COL10A1: variants seen among roughly 807,000 people sequenced by gnomAD.
COL10A1 encodes the protein collagen alpha-1(X) chain.
COL10A1 carries 10 observed loss-of-function variants against 18.2 expected under a neutral mutation model. The ratio of observed to expected loss-of-function variants is 0.55; its 90% CI spans 0.34 to 0.93. The LOEUF (loss-of-function observed/expected upper bound fraction) is 0.93. Among genes scored for constraint, COL10A1 ranks in the 40% least tolerant of loss-of-function variants. COL10A1 has a pLI of 0.02. For missense variants in COL10A1, 897 were observed against 853.5 expected (o/e 1.05, Z -0.64); for synonymous variants, 330 against 316.6 (o/e 1.04, Z -0.45).
At chr6:116,217,088 A>G in the COL10A1 span, among the ~76,000 whole-genome samples, 1 of 152,202 alleles carries the variant, frequency 6.6e-6, no homozygotes, top group Non-Finnish European at 1.5e-5. Flanking sequence ...AGTTAACAAG[A>G]AAAAGCTTAT....
At chr6:116,144,504 A>C (rs1168376650) in intron 1 of COL10A1, among the ~76,000 whole-genome samples, 3 of 152,174 alleles carry the variant, frequency 2.0e-5, no homozygotes, top group African/African-American at 7.2e-5. Context: ...CGTCTCAAAA[A>C]AAAAAAAAAG....
At chr6:116,174,997 G>T in the COL10A1 span, among the ~76,000 whole-genome samples, 1 of 152,104 alleles carries the variant, frequency 6.6e-6, no homozygotes, top group African/African-American at 2.4e-5. Context: ...ATAATCATTA[G>T]TAAGGGATAT....
the COL10A1 span, among the ~76,000 whole-genome samples, chr6:116,184,668 C>A: frequency 6.6e-6 from 1 of 151,854 alleles, no homozygotes; most frequent in Non-Finnish European, 1.5e-5. Flanking sequence ...CTAGTTTATG[C>A]CCATAGAGGT....
intron 1 of COL10A1, among the ~76,000 whole-genome samples, chr6:116,134,569 A>G (rs542329367): frequency 2.6e-5 from 4 of 152,104 alleles, no homozygotes; most frequent in Non-Finnish European, 5.9e-5. Flanking sequence ...ATTGAGGTGG[A>G]TGGTTTGCCT....
rs996965262 is a variant in COL10A1 at position 116,120,727 on chromosome 6, A to T, written c.1389T>A (p.Pro463=). ...PIGPPGIPGF[P]GSKGDPGSPG... ...GACTTCCTGGATCCCCTTTAGACCCAGGGAATCCTGGAATGCCTGGTGGCC... is the reference window on the plus strand; with the variant it reads ...GACTTCCTGGATCCCCTTTAGACCCTGGGAATCCTGGAATGCCTGGTGGCC... Residue 463 remains proline (P), a synonymous_variant, in exon 3 of 3, where the codon CCT becomes CCA. Transcript: ENST00000651968. The T allele has an allele frequency of 6.3e-7, 1 of 1,586,974 alleles. No individual in the cohort carries two copies. Among genetic ancestry groups the T allele is most frequent in the Admixed American group, 1.8e-5 (1 of 54,950 alleles).
At chr6:116,175,255 G>C in the COL10A1 span, among the ~76,000 whole-genome samples, 2 of 152,022 alleles carry the variant, frequency 1.3e-5, no homozygotes, top group African/African-American at 2.4e-5. Context: ...TCCCACCCAA[G>C]AAAACTAATG....
At chr6:116,145,989 C>T (rs1050024386) in intron 1 of COL10A1, among the ~76,000 whole-genome samples, 6 of 152,286 alleles carry the variant, frequency 3.9e-5, no homozygotes, top group African/African-American at 1.4e-4. Flanking sequence ...GAAATCTTTC[C>T]TTACTTACTT....
At chr6:116,165,431 C>T in the COL10A1 span, among the ~76,000 whole-genome samples, 1 of 152,172 alleles carries the variant, frequency 6.6e-6, no homozygotes, top group African/African-American at 2.4e-5. Flanking sequence ...ATATGTTTTC[C>T]AAATTGCTTA....
Position 116,120,960 on chromosome 6 carries a change from C to T in COL10A1, c.1156G>A (p.Gly386Arg). ...GGTTTTCCTGGGTACCCTGGTTTTC[C>T]ATCTGACCCAGGGGAACCCCTTTCA... is the stretch of plus-strand genomic sequence containing the variant. ...KGERGSPGSD[G>R]KPGYPGKPGL... is the part of the protein sequence containing the mutation. The change falls in exon 3 of 3, where the codon GGA (glycine) becomes AGA (arginine). Residue 386 changes from glycine (G) to arginine (R), a missense_variant. Gly to Arg is a moderately radical substitution (Grantham distance 125). Coordinates refer to ENST00000651968, the MANE Select transcript of COL10A1 (RefSeq NM_000493.4). The T allele has an allele frequency of 6.2e-7, 1 of 1,613,956 alleles. No individual in the cohort carries two copies. The highest frequency in any genetic ancestry group is 8.5e-7 in the Non-Finnish European group (1 of 1,179,928).
At chr6:116,146,780 A>G (rs1779908715) in intron 1 of COL10A1, among the ~76,000 whole-genome samples, 2 of 152,056 alleles carry the variant, frequency 1.3e-5, no homozygotes, top group South Asian at 2.1e-4. Context: ...AATTTAATGT[A>G]TGAAAAAGAT....
the COL10A1 span, among the ~76,000 whole-genome samples, chr6:116,184,583 G>T: frequency 1.3e-5 from 2 of 151,970 alleles, no homozygotes; most frequent in African/African-American, 4.8e-5. Flanking sequence ...GGTCTGTTCA[G>T]AGTGTCTGTT....
At chr6:116,202,344 G>A in the COL10A1 span, among the ~76,000 whole-genome samples, 1 of 151,790 alleles carries the variant, frequency 6.6e-6, no homozygotes, top group African/African-American at 2.4e-5. Context: ...CTCAATTTTG[G>A]CCCACTTAAA....
the COL10A1 span, among the ~76,000 whole-genome samples, chr6:116,197,905 G>A: frequency 6.6e-6 from 1 of 151,994 alleles, no homozygotes; most frequent in Admixed American, 6.6e-5. Flanking sequence ...TACTTCATTA[G>A]GAGCTCCACA....
At chr6:116,178,437 G>A in the COL10A1 span, among the ~76,000 whole-genome samples, 6 of 152,136 alleles carry the variant, frequency 3.9e-5, no homozygotes, top group African/African-American at 1.4e-4. Flanking sequence ...TTATGGTCAG[G>A]TATAAGAATT....
the COL10A1 span, among the ~76,000 whole-genome samples, chr6:116,203,970 C>G: frequency 6.6e-6 from 1 of 151,862 alleles, no homozygotes; most frequent in Non-Finnish European, 1.5e-5. Context: ...TGCCCTGACA[C>G]ACACACGGTG....
chr6:116,181,870 T>C, the COL10A1 span, among the ~76,000 whole-genome samples: 1 of 152,130 alleles, frequency 6.6e-6, no homozygotes, highest in Non-Finnish European at 1.5e-5. Context: ...AAATTTTATT[T>C]ATTCAGTTTT....
chr6:116,150,814 T>C (rs976689219), intron 1 of COL10A1, among the ~76,000 whole-genome samples: 3 of 152,244 alleles, frequency 2.0e-5, no homozygotes, highest in Admixed American at 6.5e-5. Flanking sequence ...TGGAGTCTTA[T>C]ATATCTAGTG....
intron 1 of COL10A1, among the ~76,000 whole-genome samples, chr6:116,146,232 A>G (rs1268012539): frequency 6.6e-6 from 1 of 152,222 alleles, no homozygotes; most frequent in Non-Finnish European, 1.5e-5. Flanking sequence ...ATTTAAGTCC[A>G]TTGTGTGGTT....
At chr6:116,172,942 A>G in the COL10A1 span, among the ~76,000 whole-genome samples, 1 of 152,162 alleles carries the variant, frequency 6.6e-6, no homozygotes, top group Non-Finnish European at 1.5e-5. Flanking sequence ...GGTGTGGATA[A>G]CCAATTAGGA....
Sources: gnomAD v4.1 joint callset for allele counts (sites outside exome capture counted in the v4.1 genomes callset) on GRCh38, gnomAD v4.1.1 for gene constraint, MANE v1.5 for transcripts, NCBI Gene and HGNC (gene_info 2026-07-23, HGNC 2026-07-21) for gene names.